ROBO1: variants seen among roughly 807,000 people sequenced by gnomAD.
ROBO1 encodes the protein roundabout guidance receptor 1, also known as roundabout homolog 1.
Under a neutral mutation model 195.9 loss-of-function variants are expected in ROBO1, and 149 were observed. That is an observed-to-expected ratio of 0.76 (90% CI 0.67 to 0.87). The LOEUF is 0.87. ROBO1 is among the 40% of genes least tolerant of loss of function. ROBO1 has a pLI of 0.00. For missense variants in ROBO1, 1,933 were observed against 2,068.3 expected, an observed-to-expected ratio of 0.93 and a Z score of 1.27; for synonymous variants, 816 against 733.2, an observed-to-expected ratio of 1.11 and a Z score of -1.82.
At chr3:79,664,703 C>T (rs191153033) in intron 1 of ROBO1, among the ~76,000 whole-genome samples, 9 of 152,076 alleles carry the variant, frequency 5.9e-5, no homozygotes, top group Admixed American at 2.0e-4. Flanking sequence ...ATTTACGGTG[C>T]TTGTTACATT....
rs535076413 is a variant in ROBO1, at chr3:79,245,873, G to A, written c.89-120334C>T. On this transcript the variant is annotated intron_variant, in intron 2 of 30. Coordinates refer to ENST00000464233, the MANE Select transcript of ROBO1 (RefSeq NM_002941.4). ...TATTACTAAGTAATATGTTCCCTATGGAGCACAGACTGACTCACAAAACTG... is the reference window on the plus strand; with the variant it reads ...TATTACTAAGTAATATGTTCCCTATAGAGCACAGACTGACTCACAAAACTG... Among the ~76,000 whole-genome samples the A allele has an allele frequency of 3.3e-5, 5 of 152,150 alleles. No homozygotes were observed. In the South Asian group the frequency reaches 8.3e-4, roughly 25 times the overall value.
chr3:79,634,292 T>C (rs554373490), intron 1 of ROBO1, among the ~76,000 whole-genome samples: 1 of 152,114 alleles, frequency 6.6e-6, no homozygotes, highest in Admixed American at 6.6e-5. Flanking sequence ...CGGTCAAAGT[T>C]CTATCCAGTA....
intron 4 of ROBO1, among the ~76,000 whole-genome samples, chr3:78,855,097 C>T (rs539678722): frequency 3.4e-4 from 51 of 151,954 alleles, no homozygotes; most frequent in African/African-American, 1.1e-3. Context: ...TTATCCCTTC[C>T]TGGGGACACA....
intron 3 of ROBO1, among the ~76,000 whole-genome samples, chr3:78,945,378 C>A (rs1396539332): frequency 6.6e-6 from 1 of 152,164 alleles, no homozygotes; most frequent in African/African-American, 2.4e-5. Flanking sequence ...TGCTGTTCTG[C>A]AGACACCGCT....
intron 2 of ROBO1, among the ~76,000 whole-genome samples, chr3:79,541,360 C>T (rs35552746): frequency 0.49 from 73,632 of 151,808 alleles, 17,922 homozygotes; most frequent in Non-Finnish European, 0.51. Flanking sequence ...CCCACAACAG[C>T]CAGTGTTTTG....
At chr3:79,223,234 G>C (rs991474333) in intron 2 of ROBO1, among the ~76,000 whole-genome samples, 20 of 152,202 alleles carry the variant, frequency 1.3e-4, no homozygotes, top group African/African-American at 4.6e-4. Context: ...AATACTAGAG[G>C]ATCAGAGAAT....
intron 4 of ROBO1, among the ~76,000 whole-genome samples, chr3:78,886,967 A>G (rs1053292879): frequency 1.3e-5 from 2 of 152,092 alleles, no homozygotes; most frequent in Admixed American, 6.6e-5. Flanking sequence ...ATTGTTAATA[A>G]CTGTTTAGCT....
intron 1 of ROBO1, among the ~76,000 whole-genome samples, chr3:79,711,207 C>T (rs1702264202): frequency 6.6e-6 from 1 of 152,118 alleles, no homozygotes; most frequent in Non-Finnish European, 1.5e-5. Flanking sequence ...GATTCATTTA[C>T]AGTTCTGTTA....
At chr3:78,911,715 T>A (rs2038253374) in intron 4 of ROBO1, among the ~76,000 whole-genome samples, 1 of 151,978 alleles carries the variant, frequency 6.6e-6, no homozygotes, top group Non-Finnish European at 1.5e-5. Flanking sequence ...ACTTGTCAAA[T>A]TTTTTCCAGT....
chr3:78,820,591 A>G (rs2030793458), intron 4 of ROBO1, among the ~76,000 whole-genome samples: 1 of 152,184 alleles, frequency 6.6e-6, no homozygotes, highest in African/African-American at 2.4e-5. Context: ...ATTTAATCAA[A>G]TCATTCATTG....
Position 79,750,107 on chromosome 3 carries a change from A to C in ROBO1, c.-51+17645T>G, listed in dbSNP as rs1384434872. On this transcript the variant is annotated intron_variant, in intron 1 of 30. Coordinates refer to ENST00000464233, the MANE Select transcript of ROBO1 (RefSeq NM_002941.4). The stretch of plus-strand genomic sequence containing the variant: ...AAGACCATGGGAACACGACTCTTGC[A>C]TCAGCATGACCTGGATGTGAGGCAT... Among the ~76,000 whole-genome samples, 6 of 152,364 alleles carry C rather than the reference A, an allele frequency of 3.9e-5. 1 individual carries two copies. In the South Asian group the frequency reaches 1.2e-3, roughly 32 times the overall value.
At position 78,926,942 on chromosome 3, in the gene ROBO1, C is replaced by G. The variant is rs544091128; in HGVS notation, c.499+11659G>C. ...CGGTTACATGAAAGTTGGATGCAAT[C>G]CTGATATAGCTGGGTGCCATGAAAT... On this transcript the variant is annotated intron_variant, in intron 4 of 30. Coordinates refer to ENST00000464233, the MANE Select transcript of ROBO1 (RefSeq NM_002941.4). 1.1e-4 allele frequency among the ~76,000 whole-genome samples: 16 copies of G among 152,048 alleles called. No individual in the cohort carries two copies. The East Asian group carries it at 3.1e-3, about 29-fold the overall frequency.
At chr3:78,645,408 ATT>A (rs796750939) in intron 21 of ROBO1, among the ~76,000 whole-genome samples, 6 of 142,818 alleles carry the variant, frequency 4.2e-5, no homozygotes, top group African/African-American at 7.7e-5. Flanking sequence ...TGGTTGGAAG[ATT>A]TTTTTTTTTT....
intron 2 of ROBO1, among the ~76,000 whole-genome samples, chr3:79,227,804 AAAT>A (rs1313355372): frequency 5.9e-5 from 9 of 152,314 alleles, no homozygotes; most frequent in Admixed American, 4.6e-4. Context: ...GAATAGTTTT[AAAT>A]AATAATTAAT....
chr3:79,496,387 C>CT (rs1553753117), intron 2 of ROBO1, among the ~76,000 whole-genome samples: 1 of 112,788 alleles, frequency 8.9e-6, no homozygotes, highest in African/African-American at 3.5e-5. Context: ...GCGCACCCAT[C>CT]TTTTTTTGAG....
chr3:79,519,501 C>G (rs548757954), intron 2 of ROBO1, among the ~76,000 whole-genome samples: 1 of 151,368 alleles, frequency 6.6e-6, no homozygotes, highest in East Asian at 2.0e-4. Context: ...TGGTGGCGGG[C>G]GCCTGTAGTC....
At chr3:79,255,286 T>A (rs1019803946) in intron 2 of ROBO1, among the ~76,000 whole-genome samples, 1 of 151,862 alleles carries the variant, frequency 6.6e-6, no homozygotes, top group Non-Finnish European at 1.5e-5. Flanking sequence ...AGCCCAGGAG[T>A]TTGAACTGAA....
At chr3:79,619,650 A>G (rs959360374) in intron 1 of ROBO1, among the ~76,000 whole-genome samples, 1 of 152,116 alleles carries the variant, frequency 6.6e-6, no homozygotes, top group Admixed American at 6.5e-5. Flanking sequence ...GTCAGGGTAC[A>G]TGTGCCTTTT....
rs960056262 is a variant in ROBO1 at position 79,012,569 on chromosome 3, T to C, written c.173-73642A>G. Among the ~76,000 whole-genome samples, 18 of 152,332 alleles carry C rather than the reference T, an allele frequency of 1.2e-4. 1 individual carries two copies. Among genetic ancestry groups the C allele is most frequent in the South Asian group, 8.3e-4 (4 of 4,826 alleles). On this transcript the variant is annotated intron_variant, in intron 3 of 30. Transcript: ENST00000464233. ...GAACGCCACAGAGGTACTTCTCTCT[T>C]TGAATAAAGTCAGAAAGATATGCAC...
Sources: allele counts gnomAD v4.1 joint callset (sites outside exome capture counted in the v4.1 genomes callset), GRCh38; gene constraint gnomAD v4.1.1; transcripts MANE v1.5; gene names NCBI Gene and HGNC (gene_info 2026-07-23, HGNC 2026-07-21).